Variants in SAMD3 observed in about 807,000 individuals in gnomAD.
SAMD3 encodes sterile alpha motif domain-containing protein 3.
In SAMD3, 63 loss-of-function variants were observed where a neutral mutation model predicts 58.5. The ratio of observed to expected loss-of-function variants is 1.08; its 90% confidence interval spans 0.88 to 1.33. The LOEUF is 1.33. Ranked by LOEUF, SAMD3 falls within the 40% of genes most tolerant of loss-of-function variation. The probability of loss-of-function intolerance (pLI) is 0.00; values close to 1 mark genes in which losing one functional copy is unlikely to be tolerated. For synonymous variants in SAMD3, 220 were observed against 210.3 expected (o/e 1.05, Z -0.40); for missense variants, 604 against 608.4 (o/e 0.99, Z 0.08).
Position 130,329,720 on chromosome 6 carries a change from G to A in SAMD3, c.-303-16627C>T, listed in dbSNP as rs187187934. 6.0e-3 allele frequency among the ~76,000 whole-genome samples: 921 copies of A among 152,236 alleles called. 9 individuals are homozygous for A. The highest frequency in any genetic ancestry group is 0.021 in the African/African-American group (879 of 41,514). On this transcript the variant is annotated intron_variant, in intron 1 of 13. Coordinates refer to the SAMD3 transcript ENST00000368134. Reference sequence around the variant, plus strand: ...GAAAATGTGGCACATATATGTCATGGAGTACTATGCAGCCATAAAAAAGAA... The same window carrying A: ...GAAAATGTGGCACATATATGTCATGAAGTACTATGCAGCCATAAAAAAGAA...
At chr6:130,346,610 G>A (rs1777462166) in intron 1 of SAMD3, among the ~76,000 whole-genome samples, 1 of 152,216 alleles carries the variant, frequency 6.6e-6, no homozygotes, top group Non-Finnish European at 1.5e-5. Context: ...GCCCACCACA[G>A]CCCAAGGAGG....
intron 2 of SAMD3, among the ~76,000 whole-genome samples, chr6:130,233,111 C>T (rs1009251562): frequency 6.6e-6 from 1 of 152,110 alleles, no homozygotes; most frequent in African/African-American, 2.4e-5. Context: ...CTTCAGGCAC[C>T]AACTGCAAGT....
At chr6:130,220,702 G>A (rs943171629) in intron 1 of SAMD3, among the ~76,000 whole-genome samples, 1 of 152,052 alleles carries the variant, frequency 6.6e-6, no homozygotes, top group Admixed American at 6.5e-5. Flanking sequence ...AGAATAAATA[G>A]GTAAAAAGAA....
At chr6:130,194,989 G>C (rs927588599) in intron 5 of SAMD3, among the ~76,000 whole-genome samples, 2 of 152,072 alleles carry the variant, frequency 1.3e-5, no homozygotes, top group South Asian at 2.1e-4. Flanking sequence ...TGTGGGTATT[G>C]GCGGCCAGGC....
intron 2 of SAMD3, among the ~76,000 whole-genome samples, chr6:130,228,213 C>T (rs1177139374): frequency 6.6e-6 from 1 of 152,200 alleles, no homozygotes; most frequent in Admixed American, 6.5e-5. Context: ...ACTCCAGCAT[C>T]TCAGCACAGT....
At chr6:130,248,179 CGTGTGTGTGTGTGTGT>C (rs71810571) in intron 2 of SAMD3, among the ~76,000 whole-genome samples, 13 of 146,284 alleles carry the variant, frequency 8.9e-5, no homozygotes, top group Admixed American at 2.7e-4. Context: ...AAGTGTTTTG[CGTGTGTGTGTGTGTGT>C]GTGTGTGTGT....
At chr6:130,201,834 C>T (rs1582905141) in intron 5 of SAMD3, among the ~76,000 whole-genome samples, 1 of 152,244 alleles carries the variant, frequency 6.6e-6, no homozygotes. Context: ...GTTTGTGAAG[C>T]CTTTCCCTAG....
At chr6:130,306,103 C>T (rs1775903302) in intron 2 of SAMD3, among the ~76,000 whole-genome samples, 1 of 152,182 alleles carries the variant, frequency 6.6e-6, no homozygotes, top group Non-Finnish European at 1.5e-5. Flanking sequence ...CCTTCCAATA[C>T]TATCACACTA....
At chr6:130,177,894 C>T (rs555579518) in intron 7 of SAMD3, among the ~76,000 whole-genome samples, 14 of 152,118 alleles carry the variant, frequency 9.2e-5, no homozygotes, top group Non-Finnish European at 1.8e-4. Context: ...ATGCAGGTGT[C>T]AGCATGACAG....
chr6:130,200,479 G>C (rs1794545643), intron 5 of SAMD3, among the ~76,000 whole-genome samples: 1 of 144,730 alleles, frequency 6.9e-6, no homozygotes, highest in South Asian at 2.2e-4. Flanking sequence ...AACCCGGGAG[G>C]CAGAGCTTGC....
chr6:130,351,724 A>G (rs1777673643), intron 1 of SAMD3, among the ~76,000 whole-genome samples: 2 of 152,212 alleles, frequency 1.3e-5, no homozygotes, highest in African/African-American at 4.8e-5. Context: ...TATATACCCA[A>G]AGGATTATAA....
intron 5 of SAMD3, among the ~76,000 whole-genome samples, chr6:130,192,547 AC>A (rs1313249808): frequency 1.3e-5 from 2 of 150,390 alleles, no homozygotes; most frequent in African/African-American, 4.9e-5. Flanking sequence ...CCAGAGAACA[AC>A]CCCCCTTTTT....
At chr6:130,272,714 A>G (rs948855835) in intron 2 of SAMD3, among the ~76,000 whole-genome samples, 4 of 152,054 alleles carry the variant, frequency 2.6e-5, no homozygotes, top group Non-Finnish European at 5.9e-5. Flanking sequence ...TCAAATTTTT[A>G]TTTTATTTTA....
intron 2 of SAMD3, among the ~76,000 whole-genome samples, chr6:130,310,504 T>C (rs921738009): frequency 1.3e-5 from 2 of 152,240 alleles, no homozygotes; most frequent in African/African-American, 2.4e-5. Flanking sequence ...AGGCACAATA[T>C]ACCACATTAT....
At chr6:130,355,835 A>G (rs1239131564) in intron 1 of SAMD3, among the ~76,000 whole-genome samples, 3 of 152,228 alleles carry the variant, frequency 2.0e-5, no homozygotes, top group South Asian at 2.1e-4. Flanking sequence ...CCCAGTGGCT[A>G]TTAGAGAAAC....
At chr6:130,274,766 G>A (rs150363279) in intron 2 of SAMD3, among the ~76,000 whole-genome samples, 1 of 109,844 alleles carries the variant, frequency 9.1e-6, no homozygotes, top group Non-Finnish European at 1.9e-5. Flanking sequence ...TTTTTTTTTG[G>A]TGTTTCTGTT....
chr6:130,236,696 A>G (rs1177054004), intron 2 of SAMD3, among the ~76,000 whole-genome samples: 1 of 152,138 alleles, frequency 6.6e-6, no homozygotes, highest in Non-Finnish European at 1.5e-5. Context: ...TTGACTTTTT[A>G]TATTACCCAA....
At chr6:130,343,343 CA>C (rs1777329630) in intron 1 of SAMD3, among the ~76,000 whole-genome samples, 1 of 152,010 alleles carries the variant, frequency 6.6e-6, no homozygotes, top group Non-Finnish European at 1.5e-5. Context: ...GGCTTTGACA[CA>C]CACTTCATTG....
In SAMD3 at chr6:130,335,571, T is replaced by A. The variant is rs898281198; in HGVS notation, c.-303-22478A>T. Among the ~76,000 whole-genome samples the A allele has an allele frequency of 3.9e-5, 6 of 152,372 alleles. No individual in the cohort carries two copies. The East Asian group carries it at 1.2e-3, about 29-fold the overall frequency. Reference sequence around the variant, plus strand: ...CAAACACATACTCTGTGTCAGTAGATGACTATGCTTCAGCTATTAAGATAA... The same window carrying A: ...CAAACACATACTCTGTGTCAGTAGAAGACTATGCTTCAGCTATTAAGATAA... On this transcript the variant is annotated intron_variant, in intron 1 of 13. Transcript: ENST00000368134.
Sources: allele counts gnomAD v4.1 joint callset (sites outside exome capture counted in the v4.1 genomes callset), GRCh38; gene constraint gnomAD v4.1.1; transcripts MANE v1.5; gene names NCBI Gene and HGNC (gene_info 2026-07-23, HGNC 2026-07-21).